The following PLXNA2 variants were observed in gnomAD, a reference collection of about 807,000 sequenced individuals.
PLXNA2 encodes plexin-A2.
In PLXNA2, 91 loss-of-function variants were observed where a neutral mutation model predicts 193.5. That is an observed-to-expected ratio of 0.47 (90% confidence interval 0.40 to 0.56). PLXNA2 has a LOEUF of 0.56. Ranked by LOEUF, PLXNA2 falls within the 20% of genes least tolerant of loss-of-function variation. PLXNA2 has a pLI of 0.00. For synonymous variants in PLXNA2, 997 were observed against 1,027.3 expected (o/e 0.97, Z 0.56); for missense variants, 1,995 against 2,503.2 (o/e 0.80, Z 4.33).
chr1:208,229,611 T>C (rs1278149891), intron 1 of PLXNA2, among the ~76,000 whole-genome samples: 2 of 152,170 alleles, frequency 1.3e-5, no homozygotes, highest in Non-Finnish European at 2.9e-5. Context: ...GGCTATTATT[T>C]GCCTTGAACC....
intron 4 of PLXNA2, among the ~76,000 whole-genome samples, chr1:208,121,529 G>A (rs1044689130): frequency 2.6e-5 from 4 of 152,066 alleles, no homozygotes; most frequent in Admixed American, 2.6e-4. Context: ...GTTCTCATGA[G>A]AACTGATGGC....
chr1:208,208,484 T>C (rs897923132), intron 3 of PLXNA2, among the ~76,000 whole-genome samples: 3 of 152,238 alleles, frequency 2.0e-5, no homozygotes, highest in African/African-American at 7.2e-5. Context: ...AGAATGGTTC[T>C]ATTTTTCAAA....
rs1665007810 is a variant in PLXNA2 at position 208,044,967 on chromosome 1, G to A, written c.3639+100C>T. On this transcript the variant is annotated intron_variant, in intron 19 of 31. Transcript: ENST00000367033. This position sits in a 1 kb window ranked among gnomAD's most constrained non-coding sequence, Gnocchi z 4.9. ...CCAGAGATGAGGAGATATGGAGGGG[G>A]TGAGTCAGGCAACGAGACAGAAGAG... 4 of 1,382,556 alleles carry A rather than the reference G, an allele frequency of 2.9e-6. No individual in the cohort carries two copies. The South Asian group carries it at 4.9e-5, about 17-fold the overall frequency. The allele number at this position is 1,382,556 out of a possible 1,614,324, so 85.6% of individuals were successfully genotyped here.
intron 21 of PLXNA2, among the ~76,000 whole-genome samples, chr1:208,042,691 C>A (rs994632264): frequency 6.6e-6 from 1 of 152,232 alleles, no homozygotes; most frequent in African/African-American, 2.4e-5. Context: ...TCCCCTTAAT[C>A]TCCTCTGCCT....
chr1:208,117,205 G>C (rs546498558), intron 4 of PLXNA2, among the ~76,000 whole-genome samples: 1 of 152,262 alleles, frequency 6.6e-6, no homozygotes, highest in African/African-American at 2.4e-5. Context: ...TGAAAAAGAA[G>C]AGACTGTGTG....
chr1:208,125,638 T>C (rs1181265828), intron 4 of PLXNA2, among the ~76,000 whole-genome samples: 2 of 152,232 alleles, frequency 1.3e-5, no homozygotes, highest in Admixed American at 1.3e-4. Context: ...TTAATTCTTG[T>C]AATCCTCTGT....
At chr1:208,033,242 C>T in intron 28 of PLXNA2, 77 bp downstream of exon 28, 1 of 1,350,132 alleles carries the variant, frequency 7.4e-7, no homozygotes, top group Non-Finnish European at 1.0e-6. Flanking sequence ...ACACTCCAGA[C>T]ATCCTTTCTG....
rs146517294 is a variant in PLXNA2 at position 208,051,158 on chromosome 1, G to A, written c.3162-56C>T. Reference sequence around the variant, plus strand: ...AAAACCCCCTCAAATCTGGCATGGTGAACCTCCACCTTAGGGATCCCTCTC... The same window carrying A: ...AAAACCCCCTCAAATCTGGCATGGTAAACCTCCACCTTAGGGATCCCTCTC... On this transcript the variant is annotated intron_variant, in intron 16 of 31. Transcript: ENST00000367033. 4.4e-6 allele frequency: 7 copies of A among 1,595,764 alleles called. No homozygotes were observed. The East Asian group carries it at 1.6e-4, about 36-fold the overall frequency.
In PLXNA2 at chr1:208,082,626, G is replaced by A; in HGVS notation, c.2299-118C>T. ...TATGACGCTCTTTCCCTGAATCCCA[G>A]TCACTAATGCCAAGAGAATCCCACC... On this transcript the variant is annotated intron_variant, in intron 10 of 31. Transcript: ENST00000367033. This position sits in a 1 kb window ranked among gnomAD's most constrained non-coding sequence, Gnocchi z 4.2. 2 of 757,968 alleles carry A rather than the reference G, an allele frequency of 2.6e-6. No individual in the cohort carries two copies. Among genetic ancestry groups the A allele is most frequent in the Non-Finnish European group, 4.5e-6 (2 of 442,154 alleles). 47.0% of individuals were successfully genotyped at this position (757,968 alleles called of 1,614,324 possible).
intron 1 of PLXNA2, among the ~76,000 whole-genome samples, chr1:208,225,843 ACT>A (rs1671493033): frequency 6.6e-6 from 1 of 152,070 alleles, no homozygotes; most frequent in South Asian, 2.1e-4. Flanking sequence ...GAAGGAATCA[ACT>A]CTGCCCACAT....
rs373799896 is a variant in PLXNA2, at chr1:208,162,630, A to G, written c.1372-20167T>C. Among the ~76,000 whole-genome samples, 20 of 152,328 alleles carry G rather than the reference A, an allele frequency of 1.3e-4. No individual in the cohort carries two copies. The East Asian group carries it at 2.9e-3, about 22-fold the overall frequency. ...CACAATCAGGCAAGGAAGGCAGATA[A>G]ACTATGAAATAAACATAATAACAAA... is the stretch of plus-strand genomic sequence containing the variant. On this transcript the variant is annotated intron_variant, in intron 3 of 31. Coordinates refer to ENST00000367033, the MANE Select transcript of PLXNA2 (RefSeq NM_025179.4).
intron 4 of PLXNA2, among the ~76,000 whole-genome samples, chr1:208,134,974 T>C (rs983321799): frequency 1.3e-5 from 2 of 152,080 alleles, no homozygotes; most frequent in Admixed American, 6.5e-5. Context: ...CTGAAAAGGA[T>C]TCTTATTTTT....
intron 20 of PLXNA2, among the ~76,000 whole-genome samples, chr1:208,043,515 C>T (rs975639302): frequency 3.3e-5 from 5 of 152,210 alleles, no homozygotes; most frequent in African/African-American, 1.2e-4. Context: ...CACGGAGATG[C>T]TGGAGGCAGG....
chr1:208,149,866 C>T (rs1375228197), intron 3 of PLXNA2, among the ~76,000 whole-genome samples: 1 of 152,166 alleles, frequency 6.6e-6, no homozygotes, highest in Non-Finnish European at 1.5e-5. Context: ...CACTCTCTCA[C>T]ATACGCATTC....
intron 4 of PLXNA2, among the ~76,000 whole-genome samples, chr1:208,117,120 G>A (rs962593760): frequency 7.2e-5 from 11 of 152,082 alleles, no homozygotes; most frequent in Non-Finnish European, 1.6e-4. Context: ...GCAGTGAGCC[G>A]GGATCACACC....
At chr1:208,098,799 G>A in intron 6 of PLXNA2, 47 bp downstream of exon 6, 3 of 1,599,828 alleles carry the variant, frequency 1.9e-6, no homozygotes, top group East Asian at 2.2e-5. Context: ...CCACACAGGT[G>A]CATGCACTGT....
intron 3 of PLXNA2, among the ~76,000 whole-genome samples, chr1:208,177,907 T>C (rs939962605): frequency 6.6e-6 from 1 of 152,268 alleles, no homozygotes; most frequent in African/African-American, 2.4e-5. Flanking sequence ...TGAGAATCAC[T>C]GGGCTAGACT....
chr1:208,073,220 T>A lies in PLXNA2; in HGVS notation c.2586+6040A>T, dbSNP rs1028912310. ...ATTAGAATGTTGGCTGGTCTGCTCA[T>A]GTCCCTTGCCTGAGGTCCTGAGGTT... On this transcript the variant is annotated intron_variant, in intron 12 of 31. Coordinates refer to ENST00000367033, the MANE Select transcript of PLXNA2 (RefSeq NM_025179.4). Among the ~76,000 whole-genome samples, 5 of 152,350 alleles carry A rather than the reference T, an allele frequency of 3.3e-5. No individual in the cohort carries two copies. The Middle Eastern group carries it at 0.01, about 311-fold the overall frequency.
intron 15 of PLXNA2, 147 bp from the exon 16 acceptor site, chr1:208,051,570 T>A (rs1487118452): frequency 1.6e-6 from 1 of 637,640 alleles, no homozygotes; most frequent in Admixed American, 3.3e-5. Flanking sequence ...ATGGAACACA[T>A]CCCGCATCAG....
Sources: allele counts gnomAD v4.1 joint callset (sites outside exome capture counted in the v4.1 genomes callset), GRCh38; gene constraint gnomAD v4.1.1; non-coding constraint Gnocchi (gnomAD v3.1); transcripts MANE v1.5; gene names NCBI Gene and HGNC (gene_info 2026-07-23, HGNC 2026-07-21).